The following IL1R2 variants were observed in gnomAD, a reference collection of about 807,000 sequenced individuals.
IL1R2 encodes interleukin-1 receptor type 2.
IL1R2 carries 46 observed loss-of-function variants against 39.5 expected under a neutral mutation model. That is an observed-to-expected ratio of 1.16 (90% CI 0.92 to 1.49). IL1R2 has a LOEUF of 1.49. Among genes scored for constraint, IL1R2 ranks in the 40% most tolerant of loss-of-function variants. The pLI, the probability that IL1R2 is intolerant of heterozygous loss-of-function variation, is 0.00. For synonymous variants in IL1R2, 207 were observed against 189.6 expected, an observed-to-expected ratio of 1.09 and a Z score of -0.75; for missense variants, 537 against 502.0, an observed-to-expected ratio of 1.07 and a Z score of -0.67.
chr2:101,999,210 T>C (rs1346163409), intron 1 of IL1R2: 1 of 152,390 alleles, frequency 6.6e-6, no homozygotes, highest in East Asian at 1.9e-4. Context: ...TCTGTCTTTG[T>C]CTTATTTTAG....
chr2:102,002,214 C>G (rs1000676586), intron 1 of IL1R2, among the ~76,000 whole-genome samples: 16 of 152,296 alleles, frequency 1.1e-4, no homozygotes, highest in African/African-American at 3.8e-4. Flanking sequence ...CTGAAGTATT[C>G]AGAGGTGAAG....
intron 1 of IL1R2, among the ~76,000 whole-genome samples, chr2:101,999,893 T>C (rs1280227752): frequency 6.6e-6 from 1 of 152,242 alleles, no homozygotes; most frequent in African/African-American, 2.4e-5. Flanking sequence ...GTGTATTTTA[T>C]AAAGTAAATA....
At chr2:101,992,160 G>A (rs1675359812) in intron 1 of IL1R2, 149 bp downstream of exon 1, 1 of 149,304 alleles carries the variant, frequency 6.7e-6, no homozygotes, top group Non-Finnish European at 1.5e-5. Flanking sequence ...AGAGGCAGGG[G>A]GGAAGGCAGA....
intron 1 of IL1R2, among the ~76,000 whole-genome samples, chr2:102,002,463 C>G (rs202167066): frequency 3.9e-4 from 56 of 143,004 alleles, no homozygotes; most frequent in African/African-American, 9.4e-4. Context: ...GTCTATGTCT[C>G]TGTCTGTGTC....
rs539976352 is a variant in IL1R2, at chr2:102,024,149, T to C, written c.752-384T>C. Among the ~76,000 whole-genome samples the C allele has an allele frequency of 9.9e-4, 151 of 152,108 alleles. 3 individuals carry two copies. The highest frequency in any genetic ancestry group is 3.4e-3 in the Middle Eastern group (1 of 294). On this transcript the variant is annotated intron_variant, in intron 6 of 8. Coordinates refer to ENST00000332549, the MANE Select transcript of IL1R2 (RefSeq NM_004633.4). Reference sequence around the variant, plus strand: ...AATGGAGAGTTCCCAGGAGAAACATTAGAGCCAAGACCAGCCTCAGGCAAA... The same window carrying C: ...AATGGAGAGTTCCCAGGAGAAACATCAGAGCCAAGACCAGCCTCAGGCAAA...
intron 1 of IL1R2, among the ~76,000 whole-genome samples, chr2:102,007,490 G>A (rs1676340285): frequency 6.6e-6 from 1 of 152,140 alleles, no homozygotes; most frequent in Non-Finnish European, 1.5e-5. Flanking sequence ...TTCAAAAAAT[G>A]AGAGTTAGGG....
chr2:102,026,228 G>C lies in IL1R2; in HGVS notation c.1005G>C (p.Gln335His). 6.2e-7 allele frequency: 1 copy of C among 1,613,264 alleles called. No individual in the cohort carries two copies. The highest frequency in any genetic ancestry group is 8.5e-7 in the Non-Finnish European group (1 of 1,179,610). The part of the protein sequence containing the change: ...KCVVHNTLSF[Q>H]TLRTTVKEAS... ...TTGTCCATAATACCCTGAGTTTTCA[G>C]ACACTACGCACCACAGTCAAGGAAG... Residue 335 changes from glutamine to histidine, a missense_variant, in exon 8 of 9, where the codon CAG becomes CAC. Physicochemically the swap from Gln to His is conservative, Grantham distance 24. Transcript: ENST00000332549.
intron 1 of IL1R2, among the ~76,000 whole-genome samples, chr2:101,996,268 C>G (rs529619991): frequency 6.6e-6 from 1 of 152,226 alleles, no homozygotes; most frequent in African/African-American, 2.4e-5. Flanking sequence ...GGCCAGGCAT[C>G]TGACAGCTGA....
rs376012317 is a variant in IL1R2, at chr2:102,000,014, T to C, written c.-62+8003T>C. On this transcript the variant is annotated intron_variant, in intron 1 of 8. Coordinates refer to ENST00000332549, the MANE Select transcript of IL1R2 (RefSeq NM_004633.4). ...GTATAGTAACTGGTGTTAGCTAAGT[T>C]GCCAACTACAATACCGACGAGTTCT... 6.6e-5 allele frequency among the ~76,000 whole-genome samples: 10 copies of C among 152,312 alleles called. No individual in the cohort carries two copies. The East Asian group carries it at 1.9e-3, about 29-fold the overall frequency.
chr2:101,993,729 G>A (rs1675454369), intron 1 of IL1R2, among the ~76,000 whole-genome samples: 1 of 151,920 alleles, frequency 6.6e-6, no homozygotes, highest in South Asian at 2.1e-4. Context: ...CTCTTTAATT[G>A]CATTCCCTTT....
intron 1 of IL1R2, among the ~76,000 whole-genome samples, chr2:101,996,840 CA>C (rs1675614695): frequency 6.6e-6 from 1 of 151,692 alleles, no homozygotes; most frequent in Non-Finnish European, 1.5e-5. Flanking sequence ...AAATTGACGC[CA>C]AAAAGATACC....
intron 5 of IL1R2, 71 bp from the exon 6 acceptor site, chr2:102,022,116 A>G (rs1677436231): frequency 7.8e-7 from 1 of 1,289,664 alleles, no homozygotes; most frequent in Admixed American, 1.7e-5. Flanking sequence ...GATTAGCCAA[A>G]CAATGACTTG....
chr2:102,009,501 G>A, intron 2 of IL1R2, 61 bp from the exon 3 acceptor site: 1 of 1,562,614 alleles, frequency 6.4e-7, no homozygotes, highest in Admixed American at 1.8e-5. Flanking sequence ...GGTGCAGGGA[G>A]GTTTTATGAT....
At chr2:102,006,446 C>T (rs1387515719) in intron 1 of IL1R2, among the ~76,000 whole-genome samples, 1 of 152,216 alleles carries the variant, frequency 6.6e-6, no homozygotes, top group Non-Finnish European at 1.5e-5. Context: ...CAGACTGTAA[C>T]TCTGAGTCCT....
intron 1 of IL1R2, among the ~76,000 whole-genome samples, chr2:101,993,059 C>T (rs1675424712): frequency 6.6e-6 from 1 of 152,156 alleles, no homozygotes. Flanking sequence ...ACCACTGAGA[C>T]CCGTTTCTAC....
rs1486742225 is a variant in IL1R2 at position 102,015,930 on chromosome 2, C to A, written c.392C>A (p.Ala131Asp). 6.2e-7 allele frequency: 1 copy of A among 1,613,866 alleles called. No individual in the cohort carries two copies. The highest frequency in any genetic ancestry group is 1.7e-5 in the Admixed American group (1 of 59,994). ...CTCAGAGTTTTTGAGAATACAGATG[C>A]TTTCCTGCCGTTCATCTCATACCCG... is the stretch of plus-strand genomic sequence containing the variant. ...IELRVFENTDAFLPFISYPQI... is the reference protein window; with the variant it reads ...IELRVFENTDDFLPFISYPQI... The change falls in exon 4 of 9, where the codon GCT (alanine) becomes GAT (aspartate). Residue 131 changes from alanine to aspartate, a missense_variant. Ala to Asp is a moderately radical substitution (Grantham distance 126). Coordinates refer to ENST00000332549, the MANE Select transcript of IL1R2 (RefSeq NM_004633.4).
At position 102,009,835 on chromosome 2, in the gene IL1R2, C is replaced by A. The variant is rs756424871; in HGVS notation, c.332+9C>A. On this transcript the variant is annotated intron_variant, in intron 3 of 8. Transcript: ENST00000332549. ...TACGTCTGCACTACTAGGTAAGTCTCCCTGTGCGGGGCTGGGGAGGGGATC... is the reference window on the plus strand; with the variant it reads ...TACGTCTGCACTACTAGGTAAGTCTACCTGTGCGGGGCTGGGGAGGGGATC... 1 of 1,613,484 alleles carries A rather than the reference C, an allele frequency of 6.2e-7. No homozygotes were observed. Among genetic ancestry groups the A allele is most frequent in the East Asian group, 2.2e-5 (1 of 44,860 alleles).
chr2:101,992,397 A>G (rs1675386003), intron 1 of IL1R2, among the ~76,000 whole-genome samples: 1 of 151,776 alleles, frequency 6.6e-6, no homozygotes, highest in Admixed American at 6.6e-5. Flanking sequence ...AGAGAGACAA[A>G]GAAAGACAGA....
intron 6 of IL1R2, 63 bp downstream of exon 6, chr2:102,022,312 G>C: frequency 7.1e-7 from 1 of 1,406,320 alleles, no homozygotes; most frequent in African/African-American, 1.4e-5. Flanking sequence ...CCCAATGCAG[G>C]GGGCTTGGGA....
Sources: allele counts gnomAD v4.1 joint callset (sites outside exome capture counted in the v4.1 genomes callset), GRCh38; gene constraint gnomAD v4.1.1; transcripts MANE v1.5; gene names NCBI Gene and HGNC (gene_info 2026-07-23, HGNC 2026-07-21).